Variants in ULK4 observed in about 807,000 individuals in gnomAD.
The protein encoded by ULK4 is unc-51 like kinase 4, also known as inactive serine/threonine-protein kinase ULK4.
In ULK4, 133 loss-of-function variants were observed where a neutral mutation model predicts 160.6. The observed-to-expected ratio is 0.83, with a 90% CI of 0.72 to 0.96. ULK4 has a LOEUF of 0.96. Ranked by LOEUF, ULK4 falls within the 40% of genes least tolerant of loss-of-function variation. The pLI is 0.00. For synonymous variants in ULK4, 534 were observed against 539.8 expected (o/e 0.99, Z 0.15); for missense variants, 1,580 against 1,499.5 (o/e 1.05, Z -0.89).
At chr3:41,536,895 A>G (rs1278676115) in intron 32 of ULK4, among the ~76,000 whole-genome samples, 1 of 152,164 alleles carries the variant, frequency 6.6e-6, no homozygotes, top group African/African-American at 2.4e-5. Context: ...AAATGTTTCT[A>G]AACAGTACCA....
At chr3:41,951,883 G>C (rs887509861) in intron 2 of ULK4, among the ~76,000 whole-genome samples, 1 of 152,160 alleles carries the variant, frequency 6.6e-6, no homozygotes, top group African/African-American at 2.4e-5. Context: ...TTGAGAAACA[G>C]AGCAAGCCCT....
chr3:41,632,002 C>G (rs1218552504), intron 30 of ULK4, among the ~76,000 whole-genome samples: 1 of 152,178 alleles, frequency 6.6e-6, no homozygotes, highest in Non-Finnish European at 1.5e-5. Flanking sequence ...TCTCTCTGAA[C>G]CTCGTCGCTC....
intron 17 of ULK4, among the ~76,000 whole-genome samples, chr3:41,872,639 T>C (rs1262392089): frequency 1.4e-5 from 2 of 138,630 alleles, no homozygotes; most frequent in African/African-American, 6.6e-5. Flanking sequence ...TTATATTCCA[T>C]CCAGATGCAT....
intron 30 of ULK4, among the ~76,000 whole-genome samples, chr3:41,628,101 T>A (rs1448317019): frequency 2.0e-5 from 3 of 152,004 alleles, no homozygotes; most frequent in Admixed American, 2.0e-4. Context: ...ACAGGAAAAA[T>A]GAACTGGAAG....
chr3:41,643,385 G>C (rs1192648171), intron 30 of ULK4, among the ~76,000 whole-genome samples: 2 of 152,176 alleles, frequency 1.3e-5, no homozygotes, highest in African/African-American at 4.8e-5. Flanking sequence ...GTAAGGAAGG[G>C]AACCAGTGTC....
At chr3:41,530,447 T>C (rs1328003865) in intron 32 of ULK4, among the ~76,000 whole-genome samples, 2 of 152,202 alleles carry the variant, frequency 1.3e-5, no homozygotes, top group Non-Finnish European at 2.9e-5. Context: ...GTATTGACTA[T>C]GGACATTGAG....
chr3:41,388,324 T>G (rs1264360884), intron 35 of ULK4, among the ~76,000 whole-genome samples: 1 of 152,010 alleles, frequency 6.6e-6, no homozygotes, highest in Non-Finnish European at 1.5e-5. Flanking sequence ...TTTTGTAGGT[T>G]GCCTGTTCAC....
intron 30 of ULK4, among the ~76,000 whole-genome samples, chr3:41,631,770 A>T (rs2033755554): frequency 6.6e-6 from 1 of 151,954 alleles, no homozygotes; most frequent in African/African-American, 2.4e-5. Flanking sequence ...AGTCAAGAGG[A>T]TCTCCATACA....
intron 2 of ULK4, 76 bp from the exon 3 acceptor site, chr3:41,938,273 A>G: frequency 1.9e-6 from 2 of 1,061,708 alleles, no homozygotes; most frequent in East Asian, 4.9e-5. Flanking sequence ...ACCTAAATAT[A>G]CAATTGGTAA....
intron 31 of ULK4, among the ~76,000 whole-genome samples, chr3:41,602,272 A>G (rs1490332264): frequency 9.6e-6 from 1 of 104,092 alleles, no homozygotes; most frequent in African/African-American, 4.8e-5. Flanking sequence ...AAAGGAAAGG[A>G]AAGGAAAGGA....
intron 21 of ULK4, among the ~76,000 whole-genome samples, chr3:41,771,532 C>T (rs2039373999): frequency 6.6e-6 from 1 of 152,096 alleles, no homozygotes; most frequent in Admixed American, 6.6e-5. Context: ...GAAATAAGAA[C>T]TTACCCTCAC....
At chr3:41,863,825 G>C (rs188815617) in intron 17 of ULK4, among the ~76,000 whole-genome samples, 3 of 151,798 alleles carry the variant, frequency 2.0e-5, no homozygotes, top group Admixed American at 6.6e-5. Flanking sequence ...CTAGGTGCAA[G>C]ACAAAGTCCT....
chr3:41,512,638 T>C (rs992130703), intron 32 of ULK4, among the ~76,000 whole-genome samples: 4 of 152,072 alleles, frequency 2.6e-5, no homozygotes, highest in African/African-American at 7.2e-5. Context: ...CACAAACAAA[T>C]GTAAACATAT....
intron 21 of ULK4, among the ~76,000 whole-genome samples, chr3:41,781,526 C>T (rs2039841661): frequency 6.6e-6 from 1 of 151,820 alleles, no homozygotes; most frequent in African/African-American, 2.4e-5. Context: ...TTTAAAATTC[C>T]TTGTCTTCTA....
intron 2 of ULK4, among the ~76,000 whole-genome samples, chr3:41,953,027 C>T (rs561672078): frequency 6.6e-6 from 1 of 151,218 alleles, no homozygotes; most frequent in East Asian, 1.9e-4. Flanking sequence ...ATGATAGTTG[C>T]CAAAAGCTGG....
chr3:41,848,044 A>G (rs1462687514), intron 17 of ULK4, among the ~76,000 whole-genome samples: 1 of 152,216 alleles, frequency 6.6e-6, no homozygotes, highest in Non-Finnish European at 1.5e-5. Flanking sequence ...CAAAGTTTTA[A>G]CATTATCTCT....
intron 35 of ULK4, among the ~76,000 whole-genome samples, chr3:41,350,557 G>A (rs1156436654): frequency 6.6e-6 from 1 of 152,106 alleles, no homozygotes; most frequent in African/African-American, 2.4e-5. Context: ...GGAGTGTGTG[G>A]GTGTGTTTTA....
intron 34 of ULK4, among the ~76,000 whole-genome samples, chr3:41,438,443 A>C (rs1440167514): frequency 6.6e-6 from 1 of 152,116 alleles, no homozygotes; most frequent in Non-Finnish European, 1.5e-5. Context: ...GTGAGTTCAA[A>C]ATTTGCACCC....
At chr3:41,764,652 G>A (rs138639845) in intron 21 of ULK4, among the ~76,000 whole-genome samples, 1 of 152,312 alleles carries the variant, frequency 6.6e-6, no homozygotes, top group East Asian at 1.9e-4. Context: ...TAGTGCACTT[G>A]AATAAATGGA....
Sources: gnomAD v4.1 joint callset for allele counts (sites outside exome capture counted in the v4.1 genomes callset) on GRCh38, gnomAD v4.1.1 for gene constraint, MANE v1.5 for transcripts, NCBI Gene and HGNC (gene_info 2026-07-23, HGNC 2026-07-21) for gene names.